MOB3B: variants seen among roughly 807,000 people sequenced by gnomAD.
The protein encoded by MOB3B is MOB kinase activator-like 2B.
MOB3B carries 7 observed loss-of-function variants against 18.7 expected under a neutral mutation model. That is an observed-to-expected ratio of 0.37 (90% CI 0.21 to 0.70). The LOEUF (loss-of-function observed/expected upper bound fraction) is 0.70. Ranked by LOEUF, MOB3B falls within the 30% of genes least tolerant of loss-of-function variation. The probability of loss-of-function intolerance (pLI) is 0.52; values close to 1 mark genes in which losing one functional copy is unlikely to be tolerated. For missense variants in MOB3B, 253 were observed against 281.3 expected, an observed-to-expected ratio of 0.90 and a Z score of 0.72; for synonymous variants, 111 against 99.9, an observed-to-expected ratio of 1.11 and a Z score of -0.66.
intron 1 of MOB3B, among the ~76,000 whole-genome samples, chr9:27,506,731 C>T (rs1026053750): frequency 2.0e-5 from 3 of 151,770 alleles, no homozygotes; most frequent in Non-Finnish European, 4.4e-5. Context: ...GGGGTTTCAC[C>T]GTGTTAGCCA....
intron 3 of MOB3B, among the ~76,000 whole-genome samples, chr9:27,355,155 A>C (rs945687413): frequency 6.6e-6 from 1 of 152,186 alleles, no homozygotes; most frequent in Non-Finnish European, 1.5e-5. Flanking sequence ...AGGGTGCTGC[A>C]TGGATCCTCA....
At chr9:27,468,674 A>G (rs1202744505) in intron 1 of MOB3B, among the ~76,000 whole-genome samples, 1 of 152,196 alleles carries the variant, frequency 6.6e-6, no homozygotes, top group Non-Finnish European at 1.5e-5. Flanking sequence ...CTGGTACCTA[A>G]CACAGGACCC....
intron 1 of MOB3B, among the ~76,000 whole-genome samples, chr9:27,524,105 A>G (rs1012679864): frequency 5.0e-5 from 7 of 140,756 alleles, no homozygotes; most frequent in Admixed American, 1.4e-4. Context: ...TTTTTCAGGG[A>G]AAAAAAAAAG....
chr9:27,493,254 T>C (rs1423960454), intron 1 of MOB3B, among the ~76,000 whole-genome samples: 3 of 152,150 alleles, frequency 2.0e-5, no homozygotes, highest in African/African-American at 7.2e-5. Flanking sequence ...AGAACGTGGA[T>C]TGTGAAGATT....
chr9:27,376,048 A>G (rs1696662996), intron 2 of MOB3B, among the ~76,000 whole-genome samples: 1 of 152,228 alleles, frequency 6.6e-6, no homozygotes. Context: ...GTTATCTTCC[A>G]GTCTTTTTTC....
chr9:27,400,213 T>A (rs901970532), intron 2 of MOB3B, among the ~76,000 whole-genome samples: 7 of 152,260 alleles, frequency 4.6e-5, no homozygotes, highest in African/African-American at 1.7e-4. Context: ...TATAAATAAC[T>A]TACTTTGTCT....
At chr9:27,437,575 A>AAAATCC (rs1822529903) in intron 2 of MOB3B, among the ~76,000 whole-genome samples, 1 of 152,250 alleles carries the variant, frequency 6.6e-6, no homozygotes, top group Admixed American at 6.5e-5. Context: ...GGACATTAAA[A>AAAATCC]AAATCCAAAA....
In MOB3B at chr9:27,479,570, A is replaced by G. The variant is rs2131475705; in HGVS notation, c.-198-23822T>C. Among the ~76,000 whole-genome samples the G allele has an allele frequency of 2.0e-5, 3 of 152,324 alleles. No homozygotes were observed. In the East Asian group the frequency reaches 5.8e-4, roughly 29 times the overall value. ...TTCGATATGAAGGAAACTAAGAAAA[A>G]GATAAATAAGCAATGATAAGCAAAG... On this transcript the variant is annotated intron_variant, in intron 1 of 3. Transcript: ENST00000262244.
intron 2 of MOB3B, among the ~76,000 whole-genome samples, chr9:27,416,540 T>C (rs1822151004): frequency 8.5e-6 from 1 of 118,306 alleles, no homozygotes; most frequent in Non-Finnish European, 1.7e-5. Context: ...GTAATTTCTT[T>C]TTAATTTTTT....
intron 1 of MOB3B, among the ~76,000 whole-genome samples, chr9:27,479,031 C>T (rs773709941): frequency 6.6e-6 from 1 of 152,126 alleles, no homozygotes; most frequent in Non-Finnish European, 1.5e-5. Flanking sequence ...ACCTGTCAAA[C>T]TAATATTCTA....
chr9:27,373,423 C>G (rs780306998), intron 2 of MOB3B, among the ~76,000 whole-genome samples: 92 of 152,178 alleles, frequency 6.0e-4, no homozygotes, highest in Admixed American at 5.9e-3. Flanking sequence ...GTGCTAGATA[C>G]TAGGGATTCA....
chr9:27,492,230 C>T (rs535049637), intron 1 of MOB3B, among the ~76,000 whole-genome samples: 24 of 152,124 alleles, frequency 1.6e-4, no homozygotes, highest in East Asian at 9.7e-4. Context: ...AGGGGGATTA[C>T]GGAAGAGATT....
intron 3 of MOB3B, among the ~76,000 whole-genome samples, chr9:27,350,871 C>A (rs1179272779): frequency 6.6e-6 from 1 of 151,900 alleles, no homozygotes; most frequent in Non-Finnish European, 1.5e-5. Flanking sequence ...ACATGTACAC[C>A]CCCTCTGCCC....
At position 27,326,900 on chromosome 9, in the gene MOB3B, T is replaced by C. The variant is rs1370923182; in HGVS notation, c.*3687A>G. The C allele has an allele frequency of 1.3e-5, 3 of 233,512 alleles. No homozygotes were observed. Among genetic ancestry groups the C allele is most frequent in the Non-Finnish European group, 2.5e-5 (3 of 122,210 alleles). The allele number at this position is 233,512 out of a possible 1,614,324, so 14.5% of individuals were successfully genotyped here. On this transcript the variant is annotated 3_prime_UTR_variant, in exon 4 of 4. Coordinates refer to ENST00000262244, the MANE Select transcript of MOB3B (RefSeq NM_024761.5). Reference sequence around the variant, plus strand: ...GATCCTTTGGAGGGTCACAACTCACTGTACTATCTAAGAGTTTTCCCAAAA... The same window carrying C: ...GATCCTTTGGAGGGTCACAACTCACCGTACTATCTAAGAGTTTTCCCAAAA...
At chr9:27,377,218 C>T (rs755801749) in intron 2 of MOB3B, among the ~76,000 whole-genome samples, 20 of 152,150 alleles carry the variant, frequency 1.3e-4, no homozygotes, top group South Asian at 8.3e-4. Flanking sequence ...AGGAAGCCTC[C>T]GAGGTGGAGG....
chr9:27,426,788 C>T (rs2131418178), intron 2 of MOB3B, among the ~76,000 whole-genome samples: 1 of 152,364 alleles, frequency 6.6e-6, no homozygotes, highest in East Asian at 1.9e-4. Context: ...CAGCCTCCTA[C>T]TGCCTAGACT....
At chr9:27,382,124 T>A (rs1696658505) in intron 2 of MOB3B, among the ~76,000 whole-genome samples, 3 of 152,332 alleles carry the variant, frequency 2.0e-5, no homozygotes, top group African/African-American at 7.2e-5. Context: ...AAATGAGCGA[T>A]GAAATGACAT....
At chr9:27,452,568 A>T (rs1822805965) in intron 2 of MOB3B, among the ~76,000 whole-genome samples, 1 of 152,216 alleles carries the variant, frequency 6.6e-6, no homozygotes, top group African/African-American at 2.4e-5. Flanking sequence ...AAAATACATA[A>T]TTTAAAAATG....
intron 2 of MOB3B, among the ~76,000 whole-genome samples, chr9:27,436,511 C>G (rs964811663): frequency 1.3e-5 from 2 of 152,188 alleles, no homozygotes; most frequent in Non-Finnish European, 2.9e-5. Context: ...GTGAAACAGT[C>G]AACAAATATT....
Sources: allele counts gnomAD v4.1 joint callset (sites outside exome capture counted in the v4.1 genomes callset), GRCh38; gene constraint gnomAD v4.1.1; transcripts MANE v1.5; gene names NCBI Gene and HGNC (gene_info 2026-07-23, HGNC 2026-07-21).